The following ADGRF4 variants were observed in gnomAD, a reference collection of about 807,000 sequenced individuals.
The protein encoded by ADGRF4 is adhesion G protein-coupled receptor F4.
Under a neutral mutation model 58.5 loss-of-function variants are expected in ADGRF4, and 63 were observed. That is an observed-to-expected ratio of 1.08 (90% confidence interval 0.88 to 1.33). The LOEUF is 1.33. ADGRF4 is among the 40% of genes most tolerant of loss of function. The pLI is 0.00. For synonymous variants in ADGRF4, 313 were observed against 295.4 expected, an observed-to-expected ratio of 1.06 and a Z score of -0.61; for missense variants, 931 against 843.9, an observed-to-expected ratio of 1.10 and a Z score of -1.28.
intron 1 of ADGRF4, among the ~76,000 whole-genome samples, chr6:47,701,337 C>T (rs1357509117): frequency 2.6e-5 from 4 of 151,894 alleles, no homozygotes; most frequent in African/African-American, 4.8e-5. Flanking sequence ...CAGAAAGAGG[C>T]GGGTTATGGA....
rs1379346763 is a variant in ADGRF4 at position 47,721,948 on chromosome 6, A to AAATT, written c.*745_*746insTTAA. The stretch of plus-strand genomic sequence containing the variant: ...TTGTGTTTGTGTATATGTGTCTTTT[A>AAATT]AAAATACTATATATAAAGAAGATTC... On this transcript the variant is annotated 3_prime_UTR_variant, in exon 10 of 10. Transcript: ENST00000283303. 6.6e-6 allele frequency: 1 copy of AAATT among 152,184 alleles called. No individual in the cohort carries two copies. Among genetic ancestry groups the AAATT allele is most frequent in the Non-Finnish European group, 1.5e-5 (1 of 68,026 alleles). The allele number at this position is 152,184 out of a possible 1,614,324, so 9.4% of individuals were successfully genotyped here. A position where few individuals can be genotyped will look rare whatever the true frequency, so the allele number is the denominator to read the frequency against.
In ADGRF4 at chr6:47,716,817, C is replaced by G; in HGVS notation, c.1944C>G (p.Ile648Met). 6.2e-7 allele frequency: 1 copy of G among 1,601,238 alleles called. No homozygotes were observed. Among genetic ancestry groups the G allele is most frequent in the Non-Finnish European group, 8.5e-7 (1 of 1,174,236 alleles). ...CAATTTTGCCACAGGGTTTTTTCAT[C>G]CTGCTGTTTGGAACCATTATGGATC... ...ALLNAFQGFF[I>M]LLFGTIMDHK... is the part of the protein sequence containing the mutation. Residue 648 changes from isoleucine to methionine, a missense_variant, in exon 7 of 10, where the codon ATC becomes ATG. By Grantham distance (10) the Ile-to-Met change is conservative. Coordinates refer to ENST00000283303, the MANE Select transcript of ADGRF4 (RefSeq NM_153838.5).
At chr6:47,706,543 A>G (rs1018170982) in intron 1 of ADGRF4, among the ~76,000 whole-genome samples, 2 of 152,230 alleles carry the variant, frequency 1.3e-5, no homozygotes, top group African/African-American at 4.8e-5. Flanking sequence ...ACATTTGACA[A>G]CAATTGAGGG....
chr6:47,706,775 G>A (rs1291390369), intron 1 of ADGRF4, among the ~76,000 whole-genome samples: 3 of 152,210 alleles, frequency 2.0e-5, no homozygotes, highest in Non-Finnish European at 4.4e-5. Flanking sequence ...GTGATGTTGG[G>A]CTCATAGTTG....
chr6:47,704,036 A>C (rs1025472080), intron 1 of ADGRF4, among the ~76,000 whole-genome samples: 2 of 152,054 alleles, frequency 1.3e-5, no homozygotes, highest in African/African-American at 4.8e-5. Context: ...CTGAAGCCTC[A>C]GATAACAGGT....
chr6:47,717,703 G>C (rs781770540), intron 8 of ADGRF4, among the ~76,000 whole-genome samples: 10 of 152,180 alleles, frequency 6.6e-5, no homozygotes, highest in Non-Finnish European at 1.2e-4. Flanking sequence ...CATTTTACAG[G>C]TATGGAAATC....
chr6:47,711,530 G>A (rs1423371739), intron 4 of ADGRF4, among the ~76,000 whole-genome samples: 3 of 152,130 alleles, frequency 2.0e-5, no homozygotes, highest in Non-Finnish European at 4.4e-5. Flanking sequence ...CAAAGTGCTG[G>A]GATTACAGGC....
chr6:47,714,810 G>T lies in ADGRF4; in HGVS notation c.1565G>T (p.Gly522Val), dbSNP rs749934998. Residue 522 changes from glycine to valine, a missense_variant, in exon 6 of 10, where the codon GGC (glycine) becomes GTC (valine). Gly to Val is a moderately radical substitution (Grantham distance 109). Transcript: ENST00000283303. ...ATGATGGTCATTGGCTTTGCCATTG[G>T]CTATGGGTGCCCATTGATCATTGCT... The part of the protein sequence containing the change: ...SRMMVIGFAI[G>V]YGCPLIIAVT... 2 of 1,613,602 alleles carry T rather than the reference G, an allele frequency of 1.2e-6. No individual in the cohort carries two copies. The highest frequency in any genetic ancestry group is 1.7e-6 in the Non-Finnish European group (2 of 1,179,552).
chr6:47,713,155 T>C (rs1581696213), intron 5 of ADGRF4, among the ~76,000 whole-genome samples: 1 of 152,166 alleles, frequency 6.6e-6, no homozygotes, highest in Admixed American at 6.5e-5. Context: ...AACAGTTTCA[T>C]CCTGAAACCA....
At chr6:47,707,528 G>A (rs959720698) in intron 2 of ADGRF4, among the ~76,000 whole-genome samples, 190 bp downstream of exon 2, 10 of 152,218 alleles carry the variant, frequency 6.6e-5, no homozygotes, top group Non-Finnish European at 1.2e-4. Flanking sequence ...TGCCTGGAGA[G>A]CTACAGTACA....
At chr6:47,701,724 T>A (rs1771591176) in intron 1 of ADGRF4, among the ~76,000 whole-genome samples, 2 of 152,254 alleles carry the variant, frequency 1.3e-5, no homozygotes, top group Admixed American at 6.5e-5. Context: ...GCCCAACAAA[T>A]ACATGTGTAG....
chr6:47,716,855 G>A lies in ADGRF4; in HGVS notation c.1974+8G>A, dbSNP rs1360157. ...ACCATTATGGATCACAAGGTAATTT[G>A]AATTTGCTTCCTCCTTATAAATGGT... is the stretch of plus-strand genomic sequence containing the variant. On this transcript the variant is annotated splice_region_variant and intron_variant, in intron 7 of 9. Coordinates refer to ENST00000283303, the MANE Select transcript of ADGRF4 (RefSeq NM_153838.5). 978,088 of 1,577,616 alleles carry A rather than the reference G, an allele frequency of 0.62. 309,200 individuals are homozygous for A. The highest frequency in any genetic ancestry group is 0.7 in the Middle Eastern group (4,186 of 5,986).
intron 1 of ADGRF4, among the ~76,000 whole-genome samples, chr6:47,700,985 T>TG (rs369286264): frequency 1.3e-5 from 2 of 152,162 alleles, no homozygotes; most frequent in South Asian, 4.1e-4. Context: ...TCTCAGGCTC[T>TG]GGGGGGGAAG....
At chr6:47,701,211 G>A (rs1370064524) in intron 1 of ADGRF4, among the ~76,000 whole-genome samples, 1 of 152,192 alleles carries the variant, frequency 6.6e-6, no homozygotes, top group East Asian at 1.9e-4. Context: ...TCTTTGTAAT[G>A]ACCATGTTAG....
intron 1 of ADGRF4, among the ~76,000 whole-genome samples, chr6:47,706,384 T>A (rs1350839664): frequency 6.6e-6 from 1 of 152,216 alleles, no homozygotes; most frequent in African/African-American, 2.4e-5. Flanking sequence ...AGTTTATCCA[T>A]CTCTAAGAGG....
At chr6:47,708,808 C>T (rs1771789153) in intron 3 of ADGRF4, among the ~76,000 whole-genome samples, 1 of 152,140 alleles carries the variant, frequency 6.6e-6, no homozygotes. Context: ...CTGGATTCTG[C>T]ACAATTATGG....
rs1771953930 is a variant in ADGRF4, at chr6:47,714,445, T to C, written c.1200T>C (p.Val400=). 6.2e-7 allele frequency: 1 copy of C among 1,614,180 alleles called. No individual in the cohort carries two copies. Among genetic ancestry groups the C allele is most frequent in the Non-Finnish European group, 8.5e-7 (1 of 1,180,034 alleles). ...LMSSKSMTDK[V]LDYITCIGLS... The stretch of plus-strand genomic sequence containing the variant: ...CCTCCAAATCGATGACCGACAAAGT[T>C]CTGGACTACATCACCTGCATTGGGC... Residue 400 remains valine, a synonymous_variant, in exon 6 of 10, where the codon GTT becomes GTC. Coordinates refer to ENST00000283303, the MANE Select transcript of ADGRF4 (RefSeq NM_153838.5).
At chr6:47,710,160 C>T (rs1771826773) in intron 3 of ADGRF4, among the ~76,000 whole-genome samples, 2 of 152,096 alleles carry the variant, frequency 1.3e-5, no homozygotes, top group East Asian at 1.9e-4. Flanking sequence ...GGACCCTAAC[C>T]TTATATTACC....
chr6:47,712,769 G>A (rs1392716019), intron 5 of ADGRF4, among the ~76,000 whole-genome samples, 161 bp downstream of exon 5: 1 of 152,178 alleles, frequency 6.6e-6, no homozygotes, highest in African/African-American at 2.4e-5. Context: ...ATAGTTTATG[G>A]AGGTTTTCAA....
Sources: gnomAD v4.1 joint callset for allele counts (sites outside exome capture counted in the v4.1 genomes callset) on GRCh38, gnomAD v4.1.1 for gene constraint, MANE v1.5 for transcripts, NCBI Gene and HGNC (gene_info 2026-07-23, HGNC 2026-07-21) for gene names.